The following KIRREL3 variants were observed in gnomAD, a reference collection of about 807,000 sequenced individuals.
KIRREL3 encodes the protein kirre like nephrin family adhesion molecule 3.
A neutral mutation model predicts 89.7 loss-of-function variants in KIRREL3; 36 were observed. The ratio of observed to expected loss-of-function variants is 0.40; its 90% CI spans 0.31 to 0.53. The LOEUF is 0.53. Among genes scored for constraint, KIRREL3 ranks in the 20% least tolerant of loss-of-function variants. The pLI is 0.49. For missense variants in KIRREL3, 864 were observed against 1,056.6 expected (o/e 0.82, Z 2.53); for synonymous variants, 445 against 441.4 (o/e 1.01, Z -0.10).
chr11:126,733,922 T>C (rs1948716567), intron 1 of KIRREL3, among the ~76,000 whole-genome samples: 1 of 152,224 alleles, frequency 6.6e-6, no homozygotes, highest in Admixed American at 6.5e-5. Flanking sequence ...TTTACCCAGA[T>C]GGCACAGGGA....
chr11:126,862,685 A>G (rs759181244), intron 1 of KIRREL3, among the ~76,000 whole-genome samples: 1 of 152,108 alleles, frequency 6.6e-6, no homozygotes, highest in East Asian at 1.9e-4. Flanking sequence ...GTCACTATCG[A>G]CTACTCCCAC....
At chr11:126,580,489 G>A (rs1474134243) in intron 1 of KIRREL3, among the ~76,000 whole-genome samples, 1 of 152,194 alleles carries the variant, frequency 6.6e-6, no homozygotes, top group Non-Finnish European at 1.5e-5. Context: ...CTGAGTGGAA[G>A]GCAGGACCTG....
chr11:126,632,827 C>T (rs1019424207), intron 1 of KIRREL3, among the ~76,000 whole-genome samples: 2 of 80,356 alleles, frequency 2.5e-5, no homozygotes, highest in African/African-American at 9.1e-5. Flanking sequence ...CGCGGTAGCT[C>T]ATGCCTGTAA....
chr11:126,576,899 CA>C lies in KIRREL3; in HGVS notation c.56-13988del, dbSNP rs1941282841. ...TGCTATCTGCTGGGCACTTTACACA[CA>C]CACAGTTATGCCATTTAGTCCACAC... On this transcript the variant is annotated intron_variant, in intron 1 of 16. Coordinates refer to ENST00000525144, the MANE Select transcript of KIRREL3 (RefSeq NM_032531.4). This position sits in a 1 kb window ranked among gnomAD's most constrained non-coding sequence, Gnocchi z 5.4. 1.3e-5 allele frequency among the ~76,000 whole-genome samples: 2 copies of C among 152,294 alleles called. No individual in the cohort carries two copies. The highest frequency in any genetic ancestry group is 4.8e-5 in the African/African-American group (2 of 41,560).
At chr11:126,973,926 T>C (rs1471396205) in intron 1 of KIRREL3, among the ~76,000 whole-genome samples, 4 of 152,162 alleles carry the variant, frequency 2.6e-5, no homozygotes, top group African/African-American at 9.7e-5. Context: ...TCCCTTGTGG[T>C]ACTTGCATTT....
In KIRREL3 at chr11:126,484,759, C is replaced by A. The variant is rs1257706584; in HGVS notation, c.434-11293G>T. ...TGTGCTTTCCCCCTCTTCAGACCCT[C>A]CCCGCCTCCACTTAGGTCTATATTA... is the stretch of plus-strand genomic sequence containing the variant. On this transcript the variant is annotated intron_variant, in intron 4 of 16. Coordinates refer to ENST00000525144, the MANE Select transcript of KIRREL3 (RefSeq NM_032531.4). The surrounding 1 kb of genome is among the most constrained non-coding windows in gnomAD (Gnocchi z 5.2). Among the ~76,000 whole-genome samples the A allele has an allele frequency of 1.3e-5, 2 of 152,036 alleles. No individual in the cohort carries two copies. The highest frequency in any genetic ancestry group is 2.9e-5 in the Non-Finnish European group (2 of 68,018).
rs906459478 is a variant in KIRREL3, at chr11:126,565,113, T to C, written c.56-2201A>G. ...AGCACTGAGTAGGGAGGGCAGAAGA[T>C]ACTGGATGGATTTAGGCCAATGTTC... is the stretch of plus-strand genomic sequence containing the variant. On this transcript the variant is annotated intron_variant, in intron 1 of 16. Coordinates refer to ENST00000525144, the MANE Select transcript of KIRREL3 (RefSeq NM_032531.4). This position sits in a 1 kb window ranked among gnomAD's most constrained non-coding sequence, Gnocchi z 5.4. 2.6e-5 allele frequency among the ~76,000 whole-genome samples: 4 copies of C among 152,196 alleles called. No homozygotes were observed. The highest frequency in any genetic ancestry group is 2.1e-4 in the South Asian group (1 of 4,826).
chr11:126,450,975 G>A (rs1266758682), intron 7 of KIRREL3, among the ~76,000 whole-genome samples: 1 of 151,056 alleles, frequency 6.6e-6, no homozygotes, highest in Non-Finnish European at 1.5e-5. Flanking sequence ...GCATGCATGG[G>A]TGTGTGCATG....
At chr11:126,825,566 A>C (rs1943377306) in intron 1 of KIRREL3, among the ~76,000 whole-genome samples, 1 of 152,190 alleles carries the variant, frequency 6.6e-6, no homozygotes, top group Non-Finnish European at 1.5e-5. Context: ...CTGAGATTTT[A>C]AATGGTGATA....
rs758070606 is a variant in KIRREL3, at chr11:126,811,326, C to A, written c.55+189129G>T. On this transcript the variant is annotated intron_variant, in intron 1 of 16. Coordinates refer to ENST00000525144, the MANE Select transcript of KIRREL3 (RefSeq NM_032531.4). The surrounding 1 kb of genome is among the most constrained non-coding windows in gnomAD (Gnocchi z 4.3). Reference sequence around the variant, plus strand: ...CCAGAACCGAGTGACTGTTATGGAGCTACGAGGTCCTTGTCTGAATTCTCC... The same window carrying A: ...CCAGAACCGAGTGACTGTTATGGAGATACGAGGTCCTTGTCTGAATTCTCC... Among the ~76,000 whole-genome samples the A allele has an allele frequency of 1.3e-4, 20 of 152,304 alleles. No individual in the cohort carries two copies. Among genetic ancestry groups the A allele is most frequent in the Middle Eastern group, 3.4e-3 (1 of 294 alleles).
At position 126,776,271 on chromosome 11, in the gene KIRREL3, C is replaced by A. The variant is rs1424414094; in HGVS notation, c.56-213359G>T. ...CTTTGAACAGGGAGGAGCTGGAGGA[C>A]TTGGAAGGGAATGTGTGCTTCCGGT... On this transcript the variant is annotated intron_variant, in intron 1 of 16. Coordinates refer to ENST00000525144, the MANE Select transcript of KIRREL3 (RefSeq NM_032531.4). This position sits in a 1 kb window ranked among gnomAD's most constrained non-coding sequence, Gnocchi z 4.7. Among the ~76,000 whole-genome samples the A allele has an allele frequency of 6.6e-6, 1 of 152,156 alleles. No individual in the cohort carries two copies. The highest frequency in any genetic ancestry group is 1.5e-5 in the Non-Finnish European group (1 of 68,030).
At chr11:126,790,427 C>T (rs1447459042) in intron 1 of KIRREL3, among the ~76,000 whole-genome samples, 1 of 152,132 alleles carries the variant, frequency 6.6e-6, no homozygotes, top group East Asian at 1.9e-4. Flanking sequence ...TCGAAGTTAA[C>T]CTTCCTAACA....
At chr11:126,934,472 C>A (rs1948091235) in intron 1 of KIRREL3, among the ~76,000 whole-genome samples, 1 of 152,252 alleles carries the variant, frequency 6.6e-6, no homozygotes, top group African/African-American at 2.4e-5. Flanking sequence ...TTAAAAATTT[C>A]TGCATTTGAA....
At position 126,508,906 on chromosome 11, in the gene KIRREL3, TTC is replaced by T. The variant is rs961731087; in HGVS notation, c.433+12407_433+12408del. ...CAGCTCACCAGCGTCACCCTTGCCCTTCTCTCTTCTCTCCACTCGAGCAACTC... is the reference window on the plus strand; with the variant it reads ...CAGCTCACCAGCGTCACCCTTGCCCTTCTCTTCTCTCCACTCGAGCAACTC... On this transcript the variant is annotated intron_variant, in intron 4 of 16. Transcript: ENST00000525144. The surrounding 1 kb of genome is among the most constrained non-coding windows in gnomAD (Gnocchi z 4.9). Among the ~76,000 whole-genome samples the T allele has an allele frequency of 2.0e-5, 3 of 152,124 alleles. No homozygotes were observed. The highest frequency in any genetic ancestry group is 4.4e-5 in the Non-Finnish European group (3 of 68,030).
intron 16 of KIRREL3, 84 bp from the exon 17 acceptor site, chr11:126,425,107 T>G: frequency 7.8e-7 from 1 of 1,280,110 alleles, no homozygotes; most frequent in African/African-American, 1.5e-5. Flanking sequence ...GCCCGTCCCC[T>G]TATGCGGGGA....
rs1351041303 is a variant in KIRREL3 at position 126,424,765 on chromosome 11, C to T, written c.2152G>A (p.Asp718Asn). ...EREFQRGSLS[D>N]SSSFLDTQCD... ...TGCGTGTCCAGGAAGGAGCTGCTGT[C>T]GCTGAGGGAGCCTCTCTGGAACTCC... The change falls in exon 17 of 17, where the codon GAC becomes AAC. Residue 718 changes from aspartate (D) to asparagine (N), a missense_variant. By Grantham distance (23) the Asp-to-Asn change is conservative. Coordinates refer to ENST00000525144, the MANE Select transcript of KIRREL3 (RefSeq NM_032531.4). 3 of 1,614,028 alleles carry T rather than the reference C, an allele frequency of 1.9e-6. No homozygotes were observed. The highest frequency in any genetic ancestry group is 1.3e-5 in the African/African-American group (1 of 75,054).
chr11:126,435,362 G>T, intron 12 of KIRREL3, 59 bp from the exon 13 acceptor site: 8 of 1,574,222 alleles, frequency 5.1e-6, no homozygotes, highest in Non-Finnish European at 6.1e-6. Flanking sequence ...GGTGGGGTGG[G>T]ACTGGGAATT....
At chr11:126,638,591 G>T (rs1800779784) in intron 1 of KIRREL3, among the ~76,000 whole-genome samples, 1 of 152,206 alleles carries the variant, frequency 6.6e-6, no homozygotes, top group Non-Finnish European at 1.5e-5. Flanking sequence ...TTTGCCTTAG[G>T]CGGGCTGGGG....
chr11:126,593,959 C>G (rs1049134865), intron 1 of KIRREL3, among the ~76,000 whole-genome samples: 1 of 152,172 alleles, frequency 6.6e-6, no homozygotes, highest in African/African-American at 2.4e-5. Context: ...GTACTCTGCT[C>G]AGTGGTGGAT....
Sources: allele counts gnomAD v4.1 joint callset (sites outside exome capture counted in the v4.1 genomes callset), GRCh38; gene constraint gnomAD v4.1.1; non-coding constraint Gnocchi (gnomAD v3.1); transcripts MANE v1.5; gene names NCBI Gene and HGNC (gene_info 2026-07-23, HGNC 2026-07-21).